The following ARSB variants were observed in gnomAD, a reference collection of about 807,000 sequenced individuals.
ARSB encodes the protein N-acetylgalactosamine-4-sulfatase.
Under a neutral mutation model 50.9 loss-of-function variants are expected in ARSB, and 41 were observed. The observed-to-expected ratio is 0.81, with a 90% CI of 0.63 to 1.04. ARSB has a LOEUF of 1.04. ARSB is among the 50% of genes least tolerant of loss of function. ARSB has a pLI of 0.00. For synonymous variants in ARSB, 269 were observed against 284.8 expected (o/e 0.94, Z 0.56); for missense variants, 672 against 693.3 (o/e 0.97, Z 0.35).
chr5:78,910,268 T>C lies in ARSB; in HGVS notation c.899-24441A>G, dbSNP rs375185014. On this transcript the variant is annotated intron_variant, in intron 4 of 7. Transcript: ENST00000264914. ...CCGGTCTCCTGGGCCCGCTGTTCTT[T>C]CTCTATACTTTGTCTCTGTGTCTTA... Among the ~76,000 whole-genome samples the C allele has an allele frequency of 6.9e-4, 105 of 152,332 alleles. 2 individuals are homozygous for C. Among genetic ancestry groups the C allele is most frequent in the African/African-American group, 2.4e-3 (101 of 41,572 alleles).
intron 6 of ARSB, among the ~76,000 whole-genome samples, chr5:78,795,155 A>G (rs929002786): frequency 6.6e-6 from 1 of 152,242 alleles, no homozygotes; most frequent in African/African-American, 2.4e-5. Flanking sequence ...AGTTATTGAA[A>G]TTACACAGTT....
intron 6 of ARSB, among the ~76,000 whole-genome samples, chr5:78,792,931 C>G (rs1743029549): frequency 6.6e-6 from 1 of 152,192 alleles, no homozygotes; most frequent in Non-Finnish European, 1.5e-5. Flanking sequence ...TATGTGGTAA[C>G]ATTTTCCCCA....
intron 5 of ARSB, among the ~76,000 whole-genome samples, chr5:78,866,452 C>T (rs1746745196): frequency 6.6e-6 from 1 of 152,158 alleles, no homozygotes; most frequent in Non-Finnish European, 1.5e-5. Context: ...TGGGTGGGGA[C>T]ACAGCCAAAC....
chr5:78,932,513 G>T (rs1348705934), intron 4 of ARSB, among the ~76,000 whole-genome samples: 8 of 152,178 alleles, frequency 5.3e-5, no homozygotes, highest in Admixed American at 3.3e-4. Flanking sequence ...CAATTATCCA[G>T]GATTTCTCTG....
chr5:78,835,973 C>T (rs1744937180), intron 6 of ARSB, among the ~76,000 whole-genome samples: 1 of 152,204 alleles, frequency 6.6e-6, no homozygotes, highest in Admixed American at 6.5e-5. Context: ...CCTCAGTTTA[C>T]ACCCGAGATT....
At chr5:78,923,554 T>G (rs186680145) in intron 4 of ARSB, among the ~76,000 whole-genome samples, 6 of 152,382 alleles carry the variant, frequency 3.9e-5, no homozygotes, top group Middle Eastern at 3.4e-3. Context: ...AGCTGAAGGA[T>G]GCAATTGTGG....
intron 6 of ARSB, among the ~76,000 whole-genome samples, chr5:78,810,348 G>GTAAAA (rs1743760761): frequency 6.6e-6 from 1 of 152,184 alleles, no homozygotes. Flanking sequence ...GTTGTGAAAT[G>GTAAAA]ACAGGTAAAA....
intron 4 of ARSB, among the ~76,000 whole-genome samples, chr5:78,905,264 A>G (rs997897943): frequency 2.6e-5 from 4 of 151,384 alleles, no homozygotes; most frequent in Non-Finnish European, 5.9e-5. Flanking sequence ...CAATATTTGG[A>G]TGATCATCTC....
At chr5:78,875,069 C>T (rs534595773) in intron 5 of ARSB, among the ~76,000 whole-genome samples, 1 of 152,296 alleles carries the variant, frequency 6.6e-6, no homozygotes, top group Non-Finnish European at 1.5e-5. Context: ...GCTATGATTG[C>T]ACCACTGCAC....
chr5:78,957,965 T>TA lies in ARSB; in HGVS notation c.691-2464dup, dbSNP rs10713491. ...ACAATTTGCAGCCCACGTAAAGTTT[T>TA]AAAAAAAATCAGGAAATATCACATC... is the stretch of plus-strand genomic sequence containing the variant. On this transcript the variant is annotated intron_variant, in intron 3 of 7. Coordinates refer to ENST00000264914, the MANE Select transcript of ARSB (RefSeq NM_000046.5). 2.8e-5 allele frequency among the ~76,000 whole-genome samples: 4 copies of TA among 145,312 alleles called. No individual in the cohort carries two copies. The East Asian group carries it at 5.9e-4, about 21-fold the overall frequency.
At chr5:78,914,139 C>CT (rs1394376623) in intron 4 of ARSB, among the ~76,000 whole-genome samples, 1 of 151,710 alleles carries the variant, frequency 6.6e-6, no homozygotes, top group Non-Finnish European at 1.5e-5. Context: ...ATATTTAAAA[C>CT]TTTTTTTTCG....
At chr5:78,913,824 T>C (rs1749420053) in intron 4 of ARSB, among the ~76,000 whole-genome samples, 2 of 152,202 alleles carry the variant, frequency 1.3e-5, no homozygotes, top group African/African-American at 4.8e-5. Flanking sequence ...TTTCTTAAGA[T>C]GACTGCTATT....
chr5:78,784,934 G>A (rs1025617780), intron 6 of ARSB, among the ~76,000 whole-genome samples: 1 of 151,944 alleles, frequency 6.6e-6, no homozygotes, highest in Non-Finnish European at 1.5e-5. Flanking sequence ...GAGTAGCTGG[G>A]ATTACAGGTG....
chr5:78,848,055 TTTA>T (rs970674407), intron 5 of ARSB, among the ~76,000 whole-genome samples: 15 of 150,808 alleles, frequency 9.9e-5, no homozygotes, highest in South Asian at 2.1e-4. Context: ...ATTTTTTTAT[TTTA>T]TTATTATTAT....
intron 5 of ARSB, among the ~76,000 whole-genome samples, chr5:78,880,204 G>A (rs1747685382): frequency 6.6e-6 from 1 of 152,150 alleles, no homozygotes; most frequent in Admixed American, 6.5e-5. Context: ...TCTGCAGTCA[G>A]AAGCAAACAT....
In ARSB at chr5:78,779,650, A is replaced by G. The variant is rs1748868692; in HGVS notation, c.*747T>C. The G allele has an allele frequency of 6.6e-6, 1 of 152,506 alleles. No individual in the cohort carries two copies. Among genetic ancestry groups the G allele is most frequent in the Non-Finnish European group, 1.5e-5 (1 of 68,290 alleles). 9.4% of individuals were successfully genotyped at this position (152,506 alleles called of 1,614,324 possible). A position where few individuals can be genotyped will look rare whatever the true frequency, so the allele number is the denominator to read the frequency against. On this transcript the variant is annotated 3_prime_UTR_variant, in exon 8 of 8. Coordinates refer to ENST00000264914, the MANE Select transcript of ARSB (RefSeq NM_000046.5). ...CCAGAAATCAGGGGTGCTCAGGTAGAGAAGCAAAGTGGCCTTCCCAGGGAT... is the reference window on the plus strand; with the variant it reads ...CCAGAAATCAGGGGTGCTCAGGTAGGGAAGCAAAGTGGCCTTCCCAGGGAT...
intron 4 of ARSB, among the ~76,000 whole-genome samples, chr5:78,889,959 C>T (rs1212529632): frequency 6.6e-6 from 1 of 152,156 alleles, no homozygotes; most frequent in Non-Finnish European, 1.5e-5. Context: ...CAGCCTCATA[C>T]CAAGCCTGGA....
chr5:78,907,804 G>A (rs1749130130), intron 4 of ARSB, among the ~76,000 whole-genome samples: 1 of 152,124 alleles, frequency 6.6e-6, no homozygotes, highest in Non-Finnish European at 1.5e-5. Context: ...AAATACCTAT[G>A]CTGGTGACTC....
At chr5:78,789,984 G>A (rs1749193029) in intron 6 of ARSB, among the ~76,000 whole-genome samples, 1 of 152,150 alleles carries the variant, frequency 6.6e-6, no homozygotes, top group Non-Finnish European at 1.5e-5. Flanking sequence ...TGGCAGGGTG[G>A]TGAGGGAAGC....
Sources: allele counts gnomAD v4.1 joint callset (sites outside exome capture counted in the v4.1 genomes callset), GRCh38; gene constraint gnomAD v4.1.1; transcripts MANE v1.5; gene names NCBI Gene and HGNC (gene_info 2026-07-23, HGNC 2026-07-21).